Variants in ARHGAP10 observed in about 807,000 individuals in gnomAD.
ARHGAP10 encodes the protein rho GTPase-activating protein 10.
A neutral mutation model predicts 108.6 loss-of-function variants in ARHGAP10; 87 were observed. That is an observed-to-expected ratio of 0.80 (90% confidence interval 0.67 to 0.96). The LOEUF (loss-of-function observed/expected upper bound fraction) is 0.96, where lower values mean the gene tolerates loss of function less well. ARHGAP10 is among the 40% of genes least tolerant of loss of function. The pLI is 0.00. For missense variants in ARHGAP10, 939 were observed against 954.5 expected (o/e 0.98, Z 0.21); for synonymous variants, 347 against 341.1 (o/e 1.02, Z -0.19).
intron 13 of ARHGAP10, among the ~76,000 whole-genome samples, chr4:147,936,218 C>T (rs1737926823): frequency 6.6e-6 from 1 of 151,962 alleles, no homozygotes; most frequent in Non-Finnish European, 1.5e-5. Flanking sequence ...ATCTTTTTTC[C>T]TGTATCGGGC....
At chr4:148,065,005 G>A (rs1439600372) in intron 22 of ARHGAP10, among the ~76,000 whole-genome samples, 3 of 152,106 alleles carry the variant, frequency 2.0e-5, no homozygotes, top group South Asian at 2.1e-4. Flanking sequence ...CTCCAGATTC[G>A]GGTATTGACT....
At chr4:147,924,151 G>C (rs915237170) in intron 13 of ARHGAP10, among the ~76,000 whole-genome samples, 7 of 152,322 alleles carry the variant, frequency 4.6e-5, no homozygotes, top group African/African-American at 1.7e-4. Context: ...TTCACAATTA[G>C]TAATCTTATT....
intron 18 of ARHGAP10, among the ~76,000 whole-genome samples, chr4:147,985,997 T>A (rs1396011137): frequency 6.6e-6 from 1 of 152,198 alleles, no homozygotes; most frequent in Non-Finnish European, 1.5e-5. Context: ...CCTTTGCTGT[T>A]GAAGTGGATT....
chr4:148,062,179 G>A (rs935474580), intron 20 of ARHGAP10, among the ~76,000 whole-genome samples: 2 of 152,230 alleles, frequency 1.3e-5, no homozygotes, highest in African/African-American at 4.8e-5. Context: ...AGGTTGCTGA[G>A]TGTCACCGTG....
chr4:147,897,672 AT>A (rs1193922157), intron 10 of ARHGAP10, among the ~76,000 whole-genome samples: 1 of 152,184 alleles, frequency 6.6e-6, no homozygotes, highest in African/African-American at 2.4e-5. Flanking sequence ...TTGTTACTAT[AT>A]ATTCTAATTC....
intron 18 of ARHGAP10, among the ~76,000 whole-genome samples, chr4:147,974,843 A>G (rs900286615): frequency 6.6e-6 from 1 of 152,204 alleles, no homozygotes; most frequent in African/African-American, 2.4e-5. Context: ...GGCATATCTT[A>G]CATGGCAGCA....
chr4:148,049,841 GGGGGGC>G (rs1729050338), intron 20 of ARHGAP10, among the ~76,000 whole-genome samples: 1 of 80,388 alleles, frequency 1.2e-5, no homozygotes, highest in African/African-American at 9.2e-5. Context: ...GTGGGGGGGC[GGGGGGC>G]GGGGGGCGGG....
rs566151602 is a variant in ARHGAP10 at position 147,770,077 on chromosome 4, C to T, written c.154+37622C>T. The stretch of plus-strand genomic sequence containing the variant: ...CATAGAGATGGAGTGTGTGTTCATA[C>T]ACCAGCCATTCCTGTCCGTCCTTGC... On this transcript the variant is annotated intron_variant, in intron 1 of 22. Coordinates refer to ENST00000336498, the MANE Select transcript of ARHGAP10 (RefSeq NM_024605.4). 3.3e-5 allele frequency among the ~76,000 whole-genome samples: 5 copies of T among 152,214 alleles called. No individual in the cohort carries two copies. In the South Asian group the frequency reaches 6.2e-4, roughly 19 times the overall value.
intron 20 of ARHGAP10, among the ~76,000 whole-genome samples, chr4:148,058,164 C>T (rs1445950646): frequency 6.6e-6 from 1 of 152,212 alleles, no homozygotes; most frequent in Non-Finnish European, 1.5e-5. Context: ...TTTTCAAACA[C>T]TCTTGCCCAG....
At chr4:147,940,744 CAA>C (rs1196754352) in intron 14 of ARHGAP10, among the ~76,000 whole-genome samples, 1 of 152,166 alleles carries the variant, frequency 6.6e-6, no homozygotes, top group Non-Finnish European at 1.5e-5. Flanking sequence ...AACATTACAG[CAA>C]AGAGTCATTT....
intron 19 of ARHGAP10, among the ~76,000 whole-genome samples, chr4:148,025,762 C>A (rs1382552569): frequency 6.6e-6 from 1 of 151,958 alleles, no homozygotes; most frequent in Non-Finnish European, 1.5e-5. Context: ...TAGCTTGAAT[C>A]ATATAATTGT....
chr4:148,021,633 G>A (rs919316223), intron 18 of ARHGAP10, among the ~76,000 whole-genome samples: 3 of 151,966 alleles, frequency 2.0e-5, no homozygotes, highest in African/African-American at 7.3e-5. Flanking sequence ...ACTGTTATCG[G>A]ACTTCTCAAT....
At chr4:148,058,615 G>A (rs1301889494) in intron 20 of ARHGAP10, among the ~76,000 whole-genome samples, 1 of 152,208 alleles carries the variant, frequency 6.6e-6, no homozygotes, top group African/African-American at 2.4e-5. Flanking sequence ...TGAAATGTTT[G>A]TGATCTGTCG....
intron 18 of ARHGAP10, among the ~76,000 whole-genome samples, chr4:147,967,536 T>G (rs1038857658): frequency 3.3e-5 from 5 of 152,166 alleles, no homozygotes; most frequent in Admixed American, 1.3e-4. Context: ...AGAAACTGCT[T>G]TAATATACTC....
intron 1 of ARHGAP10, among the ~76,000 whole-genome samples, chr4:147,784,406 TAA>T (rs925555185): frequency 1.3e-4 from 17 of 126,860 alleles, no homozygotes; most frequent in African/African-American, 4.9e-4. Flanking sequence ...TTATATAATA[TAA>T]AGTTATATAT....
intron 18 of ARHGAP10, among the ~76,000 whole-genome samples, chr4:147,982,610 A>G (rs981315575): frequency 8.1e-6 from 1 of 124,192 alleles, no homozygotes; most frequent in East Asian, 2.3e-4. Flanking sequence ...TATGTTGCCC[A>G]GGCTGGTCTC....
At chr4:147,738,473 G>A (rs1330603282) in intron 1 of ARHGAP10, among the ~76,000 whole-genome samples, 2 of 151,942 alleles carry the variant, frequency 1.3e-5, no homozygotes, top group Non-Finnish European at 2.9e-5. Flanking sequence ...GAATGGCGTG[G>A]ACCCAGGAGG....
chr4:147,890,674 A>G (rs1266372746), intron 10 of ARHGAP10, among the ~76,000 whole-genome samples: 5 of 152,174 alleles, frequency 3.3e-5, no homozygotes, highest in Non-Finnish European at 4.4e-5. Context: ...TAAAAATGCA[A>G]AAATTAACTG....
intron 11 of ARHGAP10, among the ~76,000 whole-genome samples, chr4:147,907,823 A>G (rs148727477): frequency 9.4e-4 from 143 of 152,280 alleles, no homozygotes; most frequent in Non-Finnish European, 1.7e-3. Context: ...CATATTTGGG[A>G]TGCATTTAGC....
Sources: allele counts gnomAD v4.1 joint callset (sites outside exome capture counted in the v4.1 genomes callset), GRCh38; gene constraint gnomAD v4.1.1; transcripts MANE v1.5; gene names NCBI Gene and HGNC (gene_info 2026-07-23, HGNC 2026-07-21).